MGAT5: variants seen among roughly 807,000 people sequenced by gnomAD.
The protein encoded by MGAT5 is alpha-1,6-mannosylglycoprotein 6-beta-N-acetylglucosaminyltransferase A.
MGAT5 carries 30 observed loss-of-function variants against 94.3 expected under a neutral mutation model. That is an observed-to-expected ratio of 0.32 (90% CI 0.24 to 0.43). MGAT5 has a LOEUF of 0.43. Among genes scored for constraint, MGAT5 ranks in the 20% least tolerant of loss-of-function variants. The probability of loss-of-function intolerance (pLI) is 1.00; values close to 1 mark genes in which losing one functional copy is unlikely to be tolerated. For synonymous variants in MGAT5, 310 were observed against 322.9 expected (o/e 0.96, Z 0.43); for missense variants, 691 against 905.5 (o/e 0.76, Z 3.04).
chr2:134,253,699 G>A (rs1192857147), upstream of MGAT5, among the ~76,000 whole-genome samples: 1 of 152,130 alleles, frequency 6.6e-6, no homozygotes, highest in Non-Finnish European at 1.5e-5. Context: ...GTTGCCTGGT[G>A]GCCCTGAGAG....
chr2:134,369,727 T>TTGTGTGTGTGTG (rs10526028), intron 10 of MGAT5, among the ~76,000 whole-genome samples: 57,798 of 141,868 alleles, frequency 0.41, 14,219 homozygotes, highest in Non-Finnish European at 0.54. Flanking sequence ...GGTTTTTACA[T>TTGTGTGTGTGTG]TGTGTGTGTG....
intron 14 of MGAT5, among the ~76,000 whole-genome samples, chr2:134,440,439 GGCA>G (rs567125557): frequency 6.7e-4 from 102 of 152,216 alleles, no homozygotes; most frequent in Admixed American, 6.0e-3. Flanking sequence ...TCCAAAGCTG[GGCA>G]CCTGAGGTGA....
intron 1 of MGAT5, among the ~76,000 whole-genome samples, chr2:134,134,637 G>C (rs917965368): frequency 4.6e-5 from 7 of 152,196 alleles, no homozygotes; most frequent in Non-Finnish European, 1.0e-4. Context: ...GTGGTACCTG[G>C]AGAGAGGACT....
intron 1 of MGAT5, among the ~76,000 whole-genome samples, chr2:134,133,852 G>A (rs911408600): frequency 6.6e-6 from 1 of 152,150 alleles, no homozygotes; most frequent in African/African-American, 2.4e-5. Flanking sequence ...TTCTCATGCT[G>A]ATCCGTTCCT....
intron 10 of MGAT5, among the ~76,000 whole-genome samples, chr2:134,387,332 AT>A (rs35936767): frequency 1.6e-4 from 4 of 24,270 alleles, no homozygotes; most frequent in African/African-American, 8.1e-4. Context: ...ATATATATAT[AT>A]TTTTTTTTTT....
chr2:134,142,365 G>A (rs11895808), intron 1 of MGAT5, among the ~76,000 whole-genome samples: 17,814 of 152,246 alleles, frequency 0.12, 1,175 homozygotes, highest in East Asian at 0.2. Context: ...TGGCCAGAAA[G>A]GCCCGGCCCC....
chr2:134,127,125 C>G (rs186202971), intron 1 of MGAT5: 1 of 154,722 alleles, frequency 6.5e-6, no homozygotes, highest in South Asian at 2.0e-4. Flanking sequence ...AGAGGCCCCA[C>G]GTGGTGAGGA....
At chr2:134,155,976 A>G (rs889038139) in intron 1 of MGAT5, among the ~76,000 whole-genome samples, 2 of 152,114 alleles carry the variant, frequency 1.3e-5, no homozygotes, top group African/African-American at 2.4e-5. Flanking sequence ...TCTTTTCTTC[A>G]TAGTAGTTGC....
At chr2:134,349,973 T>A (rs1483093301) in intron 9 of MGAT5, 35 bp downstream of exon 9, 2 of 1,610,932 alleles carry the variant, frequency 1.2e-6, no homozygotes, top group Admixed American at 3.3e-5. Context: ...CTTTCCAGAA[T>A]GCCACCAAAG....
intron 14 of MGAT5, among the ~76,000 whole-genome samples, chr2:134,435,168 T>G (rs905912970): frequency 3.3e-5 from 5 of 152,174 alleles, no homozygotes; most frequent in Admixed American, 3.3e-4. Flanking sequence ...TCTTCCATCT[T>G]ACTTCATGGA....
At chr2:134,385,806 G>A (rs557295527) in intron 10 of MGAT5, among the ~76,000 whole-genome samples, 34 of 152,280 alleles carry the variant, frequency 2.2e-4, no homozygotes, top group African/African-American at 7.5e-4. Flanking sequence ...GGTATTTTTG[G>A]GAGGAGGAAG....
At chr2:134,192,689 ATTAC>A (rs1242876059) in intron 1 of MGAT5, among the ~76,000 whole-genome samples, 1 of 151,800 alleles carries the variant, frequency 6.6e-6, no homozygotes, top group Non-Finnish European at 1.5e-5. Flanking sequence ...TTTTATTTTT[ATTAC>A]TTTTTTAAAT....
chr2:134,437,099 C>T (rs2106406264), intron 14 of MGAT5, among the ~76,000 whole-genome samples: 1 of 152,324 alleles, frequency 6.6e-6, no homozygotes, highest in East Asian at 1.9e-4. Flanking sequence ...AGCAATTCTC[C>T]TGTCTTAGCC....
intron 1 of MGAT5, among the ~76,000 whole-genome samples, chr2:134,158,533 T>C (rs2105050855): frequency 6.6e-6 from 1 of 152,278 alleles, no homozygotes; most frequent in East Asian, 1.9e-4. Flanking sequence ...GAGCAGGCCC[T>C]TCCAAGCCTG....
intron 2 of MGAT5, among the ~76,000 whole-genome samples, chr2:134,317,029 T>C (rs896539409): frequency 6.6e-6 from 1 of 152,140 alleles, no homozygotes; most frequent in Non-Finnish European, 1.5e-5. Flanking sequence ...TAGGATGGTG[T>C]AGATACGTCT....
At chr2:134,156,244 A>G (rs1687474888) in intron 1 of MGAT5, among the ~76,000 whole-genome samples, 1 of 152,216 alleles carries the variant, frequency 6.6e-6, no homozygotes, top group Non-Finnish European at 1.5e-5. Context: ...TCTAGGTCAC[A>G]GGTTCTCAAA....
chr2:134,349,593 G>T (rs1451227851), intron 8 of MGAT5, among the ~76,000 whole-genome samples: 1 of 152,186 alleles, frequency 6.6e-6, no homozygotes, highest in East Asian at 1.9e-4. Context: ...GAAGCAAATC[G>T]TATCTGCTGT....
At position 134,433,640 on chromosome 2, in the gene MGAT5, G is replaced by A. The variant is rs564169894; in HGVS notation, c.1869+5201G>A. Among the ~76,000 whole-genome samples the A allele has an allele frequency of 4.6e-5, 7 of 152,314 alleles. No individual in the cohort carries two copies. The South Asian group carries it at 1.2e-3, about 27-fold the overall frequency. ...TGTGTTTTAAGGGAAAGCACACGCC[G>A]AGAATGGTCGGTTTCAGCCTGGCAC... On this transcript the variant is annotated intron_variant, in intron 14 of 15. Transcript: ENST00000281923.
intron 2 of MGAT5, among the ~76,000 whole-genome samples, chr2:134,288,193 C>T (rs1323476176): frequency 6.6e-6 from 1 of 152,204 alleles, no homozygotes; most frequent in Non-Finnish European, 1.5e-5. Flanking sequence ...GCACCTGAAA[C>T]ACTTTATCAG....
Sources: gnomAD v4.1 joint callset for allele counts (sites outside exome capture counted in the v4.1 genomes callset) on GRCh38, gnomAD v4.1.1 for gene constraint, MANE v1.5 for transcripts, NCBI Gene and HGNC (gene_info 2026-07-23, HGNC 2026-07-21) for gene names.